Variants in MEF2C observed in about 807,000 individuals in gnomAD.
The protein encoded by MEF2C is myocyte-specific enhancer factor 2C.
In MEF2C, 6 loss-of-function variants were observed where a neutral mutation model predicts 50.5. The ratio of observed to expected loss-of-function variants is 0.12; its 90% confidence interval spans 0.07 to 0.23. MEF2C has a LOEUF of 0.23. Among genes scored for constraint, MEF2C ranks in the 10% least tolerant of loss-of-function variants. The probability of loss-of-function intolerance (pLI) is 1.00; values close to 1 mark genes in which losing one functional copy is unlikely to be tolerated. For synonymous variants in MEF2C, 183 were observed against 228.0 expected (o/e 0.80, Z 1.78); for missense variants, 276 against 605.0 (o/e 0.46, Z 5.70).
At chr5:88,766,532 T>C in intron 3 of MEF2C, 1 of 611,398 alleles carries the variant, frequency 1.6e-6, no homozygotes. Context: ...TTCAGCTTTT[T>C]TTCAGAGAAC....
At chr5:88,776,256 G>T (rs1490912475) in intron 3 of MEF2C, among the ~76,000 whole-genome samples, 1 of 151,940 alleles carries the variant, frequency 6.6e-6, no homozygotes, top group Admixed American at 6.6e-5. Flanking sequence ...TATTTATATG[G>T]TATAATGTGC....
chr5:88,820,966 G>A (rs1808059340), intron 2 of MEF2C, among the ~76,000 whole-genome samples: 1 of 151,874 alleles, frequency 6.6e-6, no homozygotes, highest in Non-Finnish European at 1.5e-5. Context: ...AAACATGGTG[G>A]ATTTCAAGTT....
chr5:88,747,295 A>AGGCCAT (rs1017736786), intron 6 of MEF2C, among the ~76,000 whole-genome samples: 1 of 144,768 alleles, frequency 6.9e-6, no homozygotes, highest in African/African-American at 2.6e-5. Flanking sequence ...AAAGCTGAGT[A>AGGCCAT]GGCCATGTTT....
At chr5:88,843,806 T>C (rs935954333) in intron 1 of MEF2C, among the ~76,000 whole-genome samples, 1 of 70,372 alleles carries the variant, frequency 1.4e-5, no homozygotes, top group Non-Finnish European at 3.1e-5. Context: ...CCTGTGAAAC[T>C]TTTTTTTTTT....
At chr5:88,772,177 G>T (rs1281910149) in intron 3 of MEF2C, 1 of 152,212 alleles carries the variant, frequency 6.6e-6, no homozygotes, top group African/African-American at 2.4e-5. Flanking sequence ...GAAAAGCAGA[G>T]TATACACAGA....
intron 1 of MEF2C, among the ~76,000 whole-genome samples, chr5:88,837,570 C>T (rs919338993): frequency 2.0e-5 from 3 of 151,964 alleles, no homozygotes; most frequent in Non-Finnish European, 4.4e-5. Context: ...AAAAGGGAGC[C>T]GGGTTCAGTC....
At chr5:88,773,053 G>C (rs777875899) in intron 3 of MEF2C, 23 of 399,064 alleles carry the variant, frequency 5.8e-5, no homozygotes, top group Non-Finnish European at 7.1e-5. Context: ...AACACAATAC[G>C]TAAGTCACAG....
At chr5:88,800,552 C>A (rs543467034) in intron 3 of MEF2C, among the ~76,000 whole-genome samples, 2 of 152,284 alleles carry the variant, frequency 1.3e-5, no homozygotes, top group South Asian at 4.2e-4. Flanking sequence ...TCAGATCATC[C>A]TGAAGTACTC....
At position 88,751,851 on chromosome 5, in the gene MEF2C, A is replaced by T. The variant is rs1370610061; in HGVS notation, c.589+6T>A. The T allele has an allele frequency of 6.2e-7, 1 of 1,613,688 alleles. No homozygotes were observed. The highest frequency in any genetic ancestry group is 1.7e-5 in the Admixed American group (1 of 60,022). On this transcript the variant is annotated splice_donor_region_variant and intron_variant, in intron 5 of 10. Coordinates refer to ENST00000504921, the MANE Select transcript of MEF2C (RefSeq NM_002397.5). ...TTGTTAGCATTACATCCTTATGAGGACATACCTGTGTTACCTGCACTTGGA... is the reference window on the plus strand; with the variant it reads ...TTGTTAGCATTACATCCTTATGAGGTCATACCTGTGTTACCTGCACTTGGA...
Position 88,728,549 on chromosome 5 carries a change from A to G in MEF2C, c.1044T>C (p.Thr348=). 2 of 1,536,760 alleles carry G rather than the reference A, an allele frequency of 1.3e-6. No individual in the cohort carries two copies. ...TATGTAGGTGTTGCTGTTGCCAGCC[A>G]GTTACTGAACCAAGGTGAAGAGCGC... is the stretch of plus-strand genomic sequence containing the variant. ...TASALHLGSV[T]GWQQQHLHNM... is the part of the protein sequence containing the mutation. The change falls in exon 10 of 11, where the codon ACT becomes ACC. Residue 348 remains threonine, a synonymous_variant. Coordinates refer to ENST00000504921, the MANE Select transcript of MEF2C (RefSeq NM_002397.5).
chr5:88,864,411 C>T (rs932199467), intron 1 of MEF2C, among the ~76,000 whole-genome samples: 4 of 151,672 alleles, frequency 2.6e-5, no homozygotes, highest in Admixed American at 1.3e-4. Flanking sequence ...CCAGGCAGCT[C>T]GGAGAAACTG....
At chr5:88,746,419 A>G (rs561801164) in intron 6 of MEF2C, 40 of 699,100 alleles carry the variant, frequency 5.7e-5, no homozygotes, top group Non-Finnish European at 7.0e-5. Flanking sequence ...TCCTTGCCTC[A>G]TGAGACTCTC....
At chr5:88,900,417 C>A (rs1171118946) in intron 1 of MEF2C, among the ~76,000 whole-genome samples, 2 of 151,466 alleles carry the variant, frequency 1.3e-5, no homozygotes, top group East Asian at 1.9e-4. Flanking sequence ...TTAAAAAAAA[C>A]CCTATATTCC....
At chr5:88,824,461 T>C (rs1246679453) in intron 1 of MEF2C, 1 of 574,594 alleles carries the variant, frequency 1.7e-6, no homozygotes, top group Non-Finnish European at 2.2e-6. Context: ...CTAATTTAAA[T>C]CTAAATCCTT....
At chr5:88,734,073 G>A (rs949823168) in intron 6 of MEF2C, 5 of 981,834 alleles carry the variant, frequency 5.1e-6, no homozygotes, top group Admixed American at 6.2e-5. Flanking sequence ...AAAAAAAAAA[G>A]CTTGACAAAA....
chr5:88,764,807 C>CAAAAAA (rs869119169), intron 3 of MEF2C, among the ~76,000 whole-genome samples: 52 of 73,698 alleles, frequency 7.1e-4, no homozygotes, highest in Admixed American at 1.1e-3. Flanking sequence ...GACTCCATCT[C>CAAAAAA]AAAAAAAAAA....
intron 3 of MEF2C, among the ~76,000 whole-genome samples, chr5:88,780,322 A>T (rs1412637980): frequency 6.6e-6 from 1 of 152,140 alleles, no homozygotes; most frequent in Non-Finnish European, 1.5e-5. Context: ...CCAGGTGCAG[A>T]GTTCAGAACT....
intron 3 of MEF2C, among the ~76,000 whole-genome samples, chr5:88,784,550 C>G (rs894137928): frequency 3.9e-5 from 6 of 152,156 alleles, no homozygotes; most frequent in Non-Finnish European, 7.4e-5. Context: ...AGCATAGTTA[C>G]CATAGCTCAT....
chr5:88,751,686 T>C (rs773087178), intron 5 of MEF2C, among the ~76,000 whole-genome samples, 171 bp downstream of exon 5: 4 of 152,146 alleles, frequency 2.6e-5, no homozygotes, highest in African/African-American at 4.8e-5. Flanking sequence ...AAAAACATAC[T>C]AAAGAATTTA....
Sources: allele counts gnomAD v4.1 joint callset (sites outside exome capture counted in the v4.1 genomes callset), GRCh38; gene constraint gnomAD v4.1.1; transcripts MANE v1.5; gene names NCBI Gene and HGNC (gene_info 2026-07-23, HGNC 2026-07-21).